The following ST18 variants were observed in gnomAD, a reference collection of about 807,000 sequenced individuals.
ST18 encodes suppression of tumorigenicity 18 protein.
Under a neutral mutation model 110.0 loss-of-function variants are expected in ST18, and 50 were observed. That is an observed-to-expected ratio of 0.45 (90% CI 0.36 to 0.58). The LOEUF (loss-of-function observed/expected upper bound fraction) is 0.58, where lower values mean the gene tolerates loss of function less well. ST18 is among the 20% of genes least tolerant of loss of function. The probability of loss-of-function intolerance (pLI) is 0.00; values close to 1 mark genes in which losing one functional copy is unlikely to be tolerated. For synonymous variants in ST18, 461 were observed against 452.4 expected, an observed-to-expected ratio of 1.02 and a Z score of -0.24; for missense variants, 1,306 against 1,280.1, an observed-to-expected ratio of 1.02 and a Z score of -0.31.
intron 2 of ST18, among the ~76,000 whole-genome samples, chr8:52,339,002 C>A (rs2140170382): frequency 6.6e-6 from 1 of 152,282 alleles, no homozygotes; most frequent in South Asian, 2.1e-4. Flanking sequence ...CCTCAGCCTC[C>A]CAAGTAGCTC....
At position 52,409,754 on chromosome 8, in the gene ST18, A is replaced by C. The variant is rs568731579; in HGVS notation, c.-796T>G. ...TCTCCCTACAAAAAGGTTCCATAGA[A>C]TCAGAACGCAGAGGCGCTGCAACTT... is the stretch of plus-strand genomic sequence containing the variant. On this transcript the variant is annotated 5_prime_UTR_variant, in exon 1 of 26. Transcript: ENST00000689386. 6.6e-6 allele frequency: 1 copy of C among 152,404 alleles called. No individual in the cohort carries two copies. The highest frequency in any genetic ancestry group is 2.4e-5 in the African/African-American group (1 of 41,592). The allele number at this position is 152,404 out of a possible 1,614,324, so 9.4% of individuals were successfully genotyped here. A position where few individuals can be genotyped will look rare whatever the true frequency, so the allele number is the denominator to read the frequency against.
chr8:52,298,535 A>ATTTATT (rs1310893168), intron 2 of ST18, among the ~76,000 whole-genome samples: 3 of 152,244 alleles, frequency 2.0e-5, no homozygotes, highest in Non-Finnish European at 4.4e-5. Context: ...GATACCTCAC[A>ATTTATT]TTTATTTTTC....
chr8:52,333,092 G>A (rs916999742), intron 2 of ST18, among the ~76,000 whole-genome samples: 2 of 152,078 alleles, frequency 1.3e-5, no homozygotes, highest in Non-Finnish European at 2.9e-5. Flanking sequence ...CCATCAAGCT[G>A]ATGTCCACCT....
chr8:52,178,367 C>T (rs917071881), intron 9 of ST18, among the ~76,000 whole-genome samples: 3 of 151,876 alleles, frequency 2.0e-5, no homozygotes, highest in African/African-American at 7.3e-5. Flanking sequence ...GTGGCTCACA[C>T]CTGTAATCCC....
chr8:52,327,346 C>T (rs903722613), intron 2 of ST18, among the ~76,000 whole-genome samples: 3 of 152,142 alleles, frequency 2.0e-5, no homozygotes, highest in African/African-American at 7.2e-5. Flanking sequence ...ACTGGTCAGC[C>T]CTGCTCTTTC....
intron 2 of ST18, among the ~76,000 whole-genome samples, chr8:52,285,805 T>C (rs1339899535): frequency 6.6e-6 from 1 of 152,222 alleles, no homozygotes; most frequent in Non-Finnish European, 1.5e-5. Context: ...GAGAAGCATG[T>C]CTCCTCTGAA....
In ST18 at chr8:52,357,338, C is replaced by T. The variant is rs960155678; in HGVS notation, c.-465+51990G>A. On this transcript the variant is annotated intron_variant, in intron 2 of 25. Coordinates refer to ENST00000689386, the MANE Select transcript of ST18 (RefSeq NM_001352837.2). Reference sequence around the variant, plus strand: ...GTAAGTCGTTTCTTACCAGTGACTACTTTAAATGTAAATGGATCAAACTAT... The same window carrying T: ...GTAAGTCGTTTCTTACCAGTGACTATTTTAAATGTAAATGGATCAAACTAT... 3.3e-5 allele frequency among the ~76,000 whole-genome samples: 5 copies of T among 151,984 alleles called. No individual in the cohort carries two copies. In the East Asian group the frequency reaches 5.8e-4, roughly 18 times the overall value.
intron 2 of ST18, among the ~76,000 whole-genome samples, chr8:52,237,730 T>G (rs569298109): frequency 6.6e-6 from 1 of 152,330 alleles, no homozygotes; most frequent in East Asian, 1.9e-4. Flanking sequence ...GACAATAATG[T>G]AGGCTAGAGG....
intron 8 of ST18, among the ~76,000 whole-genome samples, chr8:52,181,542 A>G (rs1258542280): frequency 1.3e-5 from 2 of 152,236 alleles, no homozygotes; most frequent in African/African-American, 4.8e-5. Context: ...ATTAAAAAGT[A>G]TAGAATTAAA....
intron 2 of ST18, among the ~76,000 whole-genome samples, chr8:52,288,205 C>T (rs2095499669): frequency 6.6e-6 from 1 of 152,158 alleles, no homozygotes; most frequent in African/African-American, 2.4e-5. Context: ...CCCTGAGTAG[C>T]AGCAGAAGCC....
At chr8:52,194,423 A>G (rs1395985561) in intron 8 of ST18, 1 of 152,222 alleles carries the variant, frequency 6.6e-6, no homozygotes, top group Admixed American at 6.5e-5. Context: ...GGAAACACCT[A>G]CAAGAGAACA....
At chr8:52,298,107 A>G (rs2095661591) in intron 2 of ST18, among the ~76,000 whole-genome samples, 1 of 152,154 alleles carries the variant, frequency 6.6e-6, no homozygotes. Flanking sequence ...AGAGTCCTCC[A>G]CTGGTCCCCG....
intron 2 of ST18, among the ~76,000 whole-genome samples, chr8:52,294,969 G>A (rs765734723): frequency 2.0e-5 from 3 of 152,144 alleles, no homozygotes; most frequent in Non-Finnish European, 4.4e-5. Context: ...ACAAATATAT[G>A]CTTACATGCT....
At chr8:52,199,401 C>G (rs559306278) in intron 8 of ST18, 1 of 152,350 alleles carries the variant, frequency 6.6e-6, no homozygotes, top group Admixed American at 6.5e-5. Context: ...TGGGAGCTAT[C>G]CTGCAAATGT....
At chr8:52,174,847 G>A (rs2066291640) in intron 9 of ST18, among the ~76,000 whole-genome samples, 1 of 152,162 alleles carries the variant, frequency 6.6e-6, no homozygotes, top group Non-Finnish European at 1.5e-5. Context: ...CCCCCTCCCA[G>A]GCTTTCACTG....
chr8:52,372,645 C>A (rs1334881599), intron 2 of ST18, among the ~76,000 whole-genome samples: 1 of 152,164 alleles, frequency 6.6e-6, no homozygotes, highest in African/African-American at 2.4e-5. Flanking sequence ...TGTTTAGATA[C>A]AAATAGTTAC....
At chr8:52,186,846 G>A (rs747620947) in intron 8 of ST18, among the ~76,000 whole-genome samples, 15 of 152,174 alleles carry the variant, frequency 9.9e-5, no homozygotes, top group Non-Finnish European at 1.9e-4. Context: ...GTCGATGAAG[G>A]CGGAGTCAGG....
chr8:52,135,669 A>G (rs2051878034), intron 19 of ST18, among the ~76,000 whole-genome samples: 3 of 151,936 alleles, frequency 2.0e-5, no homozygotes, highest in Admixed American at 2.0e-4. Context: ...TTTGGTACTA[A>G]GATTCCAAAT....
At chr8:52,185,143 C>A (rs1344152973) in intron 8 of ST18, among the ~76,000 whole-genome samples, 1 of 152,040 alleles carries the variant, frequency 6.6e-6, no homozygotes, top group Non-Finnish European at 1.5e-5. Context: ...CTTCTATAAA[C>A]CAGCCACAAA....
Sources: gnomAD v4.1 joint callset for allele counts (sites outside exome capture counted in the v4.1 genomes callset) on GRCh38, gnomAD v4.1.1 for gene constraint, MANE v1.5 for transcripts, NCBI Gene and HGNC (gene_info 2026-07-23, HGNC 2026-07-21) for gene names.